ARHGEF19: variants seen among roughly 807,000 people sequenced by gnomAD.
The protein encoded by ARHGEF19 is Rho guanine nucleotide exchange factor (GEF) 19.
In ARHGEF19, 92 loss-of-function variants were observed where a neutral mutation model predicts 87.6. That is an observed-to-expected ratio of 1.05 (90% CI 0.89 to 1.25). The LOEUF is 1.25. ARHGEF19 is among the 50% of genes most tolerant of loss of function. The pLI, the probability that ARHGEF19 is intolerant of heterozygous loss-of-function variation, is 0.00. For synonymous variants in ARHGEF19, 438 were observed against 446.2 expected, an observed-to-expected ratio of 0.98 and a Z score of 0.23; for missense variants, 1,054 against 1,051.8, an observed-to-expected ratio of 1.00 and a Z score of -0.03.
In ARHGEF19 at chr1:16,206,439, C is replaced by A; in HGVS notation, c.1138-99G>T. On this transcript the variant is annotated intron_variant, in intron 6 of 15. Coordinates refer to ENST00000270747, the MANE Select transcript of ARHGEF19 (RefSeq NM_153213.5). The surrounding 1 kb of genome is among the most constrained non-coding windows in gnomAD (Gnocchi z 4.6). ...ACCCCAGGACGCCACACCTCGCGTCCTCGCCCCTTCTCTAGCCCCACTCCT... is the reference window on the plus strand; with the variant it reads ...ACCCCAGGACGCCACACCTCGCGTCATCGCCCCTTCTCTAGCCCCACTCCT... 7.5e-7 allele frequency: 1 copy of A among 1,335,552 alleles called. No homozygotes were observed. The highest frequency in any genetic ancestry group is 1.0e-6 in the Non-Finnish European group (1 of 953,398). The allele number at this position is 1,335,552 out of a possible 1,614,324, so 82.7% of individuals were successfully genotyped here.
chr1:16,206,849 T>G lies in ARHGEF19; in HGVS notation c.1137+99A>C. On this transcript the variant is annotated intron_variant, in intron 6 of 15. Coordinates refer to ENST00000270747, the MANE Select transcript of ARHGEF19 (RefSeq NM_153213.5). The surrounding 1 kb of genome is among the most constrained non-coding windows in gnomAD (Gnocchi z 4.6). ...GGACAGTCGCGCCAGCAACCCCCTTTGTGTGTCCCCCTCCCTCTATGGCCC... is the reference window on the plus strand; with the variant it reads ...GGACAGTCGCGCCAGCAACCCCCTTGGTGTGTCCCCCTCCCTCTATGGCCC... The G allele has an allele frequency of 7.5e-7, 1 of 1,331,908 alleles. No individual in the cohort carries two copies. Among genetic ancestry groups the G allele is most frequent in the Non-Finnish European group, 9.7e-7 (1 of 1,033,480 alleles). The allele number at this position is 1,331,908 out of a possible 1,614,324, so 82.5% of individuals were successfully genotyped here.
chr1:16,210,128 G>C (rs2081185720), intron 1 of ARHGEF19, among the ~76,000 whole-genome samples: 1 of 152,252 alleles, frequency 6.6e-6, no homozygotes, highest in Non-Finnish European at 1.5e-5. Context: ...CCTCCCTCCT[G>C]CAGCCCCTCA....
Position 16,198,114 on chromosome 1 carries a change from T to C in ARHGEF19, c.*473A>G, listed in dbSNP as rs1246083762. The C allele has an allele frequency of 6.6e-6, 1 of 152,384 alleles. No homozygotes were observed. Among genetic ancestry groups the C allele is most frequent in the African/African-American group, 2.4e-5 (1 of 41,328 alleles). 9.4% of individuals were successfully genotyped at this position (152,384 alleles called of 1,614,324 possible). On this transcript the variant is annotated 3_prime_UTR_variant, in exon 16 of 16. Transcript: ENST00000270747. This position sits in a 1 kb window ranked among gnomAD's most constrained non-coding sequence, Gnocchi z 4.1. ...TCACAGACTCCAAGCAAAGGCATGATAGGAGTTTATTTACAGACAAGACAC... is the reference window on the plus strand; with the variant it reads ...TCACAGACTCCAAGCAAAGGCATGACAGGAGTTTATTTACAGACAAGACAC...
Position 16,199,273 on chromosome 1 carries a change from C to T in ARHGEF19, c.2147-19G>A, listed in dbSNP as rs1368445940. 3 of 1,612,546 alleles carry T rather than the reference C, an allele frequency of 1.9e-6. No individual in the cohort carries two copies. The highest frequency in any genetic ancestry group is 3.3e-5 in the Admixed American group (2 of 59,966). ...GGGCAATCTGACAGCCCAAGGGAGG[C>T]TCAGGGAGTCCCAAGGGCAGGATGG... On this transcript the variant is annotated intron_variant, in intron 14 of 15. Transcript: ENST00000270747.
chr1:16,205,657 G>C lies in ARHGEF19; in HGVS notation c.1462C>G (p.Pro488Ala). The change falls in exon 9 of 16, where the codon CCC becomes GCC. Residue 488 changes from proline (P) to alanine (A), a missense_variant. Physicochemically the swap from Pro to Ala is conservative, Grantham distance 27. Coordinates refer to ENST00000270747, the MANE Select transcript of ARHGEF19 (RefSeq NM_153213.5). The surrounding 1 kb of genome is among the most constrained non-coding windows in gnomAD (Gnocchi z 5.8). ...RTYQRLLLEN[P>A]RFPGILARLE... ...CGAGCCAGGATGCCAGGGAACCTGGGGTTCTCCAGGCTGGAAAATGGGGAG... is the reference window on the plus strand; with the variant it reads ...CGAGCCAGGATGCCAGGGAACCTGGCGTTCTCCAGGCTGGAAAATGGGGAG... The C allele has an allele frequency of 6.2e-7, 1 of 1,608,738 alleles. No individual in the cohort carries two copies. The highest frequency in any genetic ancestry group is 1.1e-5 in the South Asian group (1 of 90,518).
Position 16,206,186 on chromosome 1 carries a change from C to G in ARHGEF19, c.1292G>C (p.Ser431Thr). The G allele has an allele frequency of 6.3e-7, 1 of 1,595,446 alleles. No individual in the cohort carries two copies. Among genetic ancestry groups the G allele is most frequent in the Non-Finnish European group, 8.6e-7 (1 of 1,169,360 alleles). ...GGCCAGACCACTTCTTCACCTCTCG[C>G]TGGTGCTCTTGACCTCGGGCAGTTT... The part of the protein sequence containing the change: ...FSKLPEVKST[S>T]ERFLQDLEQR... The change falls in exon 7 of 16, where the codon AGC becomes ACC. Residue 431 changes from serine (S) to threonine (T), a missense_variant. Coordinates refer to ENST00000270747, the MANE Select transcript of ARHGEF19 (RefSeq NM_153213.5). The surrounding 1 kb of genome is among the most constrained non-coding windows in gnomAD (Gnocchi z 4.6).
At position 16,207,857 on chromosome 1, in the gene ARHGEF19, C is replaced by T; in HGVS notation, c.695-80G>A. On this transcript the variant is annotated intron_variant, in intron 3 of 15. Coordinates refer to ENST00000270747, the MANE Select transcript of ARHGEF19 (RefSeq NM_153213.5). The surrounding 1 kb of genome is among the most constrained non-coding windows in gnomAD (Gnocchi z 4.0). ...GGCCCCGGCCCAGGCACCCTGACGGCCTCAGGCGGCCGGTGAGTGGGCATC... is the reference window on the plus strand; with the variant it reads ...GGCCCCGGCCCAGGCACCCTGACGGTCTCAGGCGGCCGGTGAGTGGGCATC... The T allele has an allele frequency of 6.3e-7, 1 of 1,585,804 alleles. No individual in the cohort carries two copies. Among genetic ancestry groups the T allele is most frequent in the South Asian group, 1.1e-5 (1 of 89,122 alleles).
At chr1:16,212,170 G>T (rs1159609793) in intron 1 of ARHGEF19, among the ~76,000 whole-genome samples, 1 of 152,226 alleles carries the variant, frequency 6.6e-6, no homozygotes, top group Non-Finnish European at 1.5e-5. Flanking sequence ...ACTTAGCAAG[G>T]CTGCCAGAGA....
chr1:16,198,701 C>G lies in ARHGEF19; in HGVS notation c.2295G>C (p.Trp765Cys). Residue 765 changes from tryptophan to cysteine, a missense_variant, in exon 16 of 16, where the codon TGG (tryptophan) becomes TGC (cysteine). Trp to Cys is a radical substitution (Grantham distance 215). Coordinates refer to ENST00000270747, the MANE Select transcript of ARHGEF19 (RefSeq NM_153213.5). The surrounding 1 kb of genome is among the most constrained non-coding windows in gnomAD (Gnocchi z 4.1). ...TCTCTTCCACATAGGCCTGGGGCAC[C>G]CACCCCTTCTCACCATCTGCCAGGC... ...GVRLADGEKG[W>C]VPQAYVEEIS... 3 of 1,612,488 alleles carry G rather than the reference C, an allele frequency of 1.9e-6. No individual in the cohort carries two copies. The highest frequency in any genetic ancestry group is 2.5e-6 in the Non-Finnish European group (3 of 1,178,920).
chr1:16,200,951 T>C (rs932778610), intron 14 of ARHGEF19, among the ~76,000 whole-genome samples: 1 of 151,184 alleles, frequency 6.6e-6, no homozygotes, highest in African/African-American at 2.4e-5. Context: ...CAATGGCTCA[T>C]GCCTATAATC....
intron 14 of ARHGEF19, among the ~76,000 whole-genome samples, chr1:16,200,003 G>C (rs369625335): frequency 2.0e-5 from 3 of 152,058 alleles, no homozygotes; most frequent in East Asian, 1.9e-4. Flanking sequence ...AGATCTTTTC[G>C]TGACAACCTC....
At position 16,206,338 on chromosome 1, in the gene ARHGEF19, G is replaced by A. The variant is rs761670496; in HGVS notation, c.1140C>T (p.Ala380=). 3 of 1,576,494 alleles carry A rather than the reference G, an allele frequency of 1.9e-6. No individual in the cohort carries two copies. Among genetic ancestry groups the A allele is most frequent in the Admixed American group, 1.9e-5 (1 of 52,612 alleles). ...LSLRDCKLQE[A]KFELITSEAS... ...CCTCGGAGGTGATCAGCTCAAACTT[G>A]GCCTGAGGGAGGGCACACACGGGGT... Residue 380 remains alanine, a splice_region_variant and synonymous_variant, in exon 7 of 16, where the codon GCC becomes GCT. Coordinates refer to ENST00000270747, the MANE Select transcript of ARHGEF19 (RefSeq NM_153213.5). The surrounding 1 kb of genome is among the most constrained non-coding windows in gnomAD (Gnocchi z 4.6).
chr1:16,199,060 CA>C (rs1281708873), intron 15 of ARHGEF19, 89 bp downstream of exon 15: 2 of 1,311,786 alleles, frequency 1.5e-6, no homozygotes, highest in Admixed American at 3.7e-5. Flanking sequence ...TCAACACTTG[CA>C]GAACCTTTCC....
At chr1:16,210,494 A>T (rs1000517280) in intron 1 of ARHGEF19, among the ~76,000 whole-genome samples, 1 of 152,216 alleles carries the variant, frequency 6.6e-6, no homozygotes, top group Non-Finnish European at 1.5e-5. Flanking sequence ...AGACCCCAAG[A>T]CGTTCAAAAA....
At chr1:16,209,382 ATGG>A (rs1164837180) in intron 1 of ARHGEF19, among the ~76,000 whole-genome samples, 1 of 152,192 alleles carries the variant, frequency 6.6e-6, no homozygotes, top group Non-Finnish European at 1.5e-5. Context: ...TATTTGGTAA[ATGG>A]TGGAGCCAGG....
intron 14 of ARHGEF19, among the ~76,000 whole-genome samples, chr1:16,201,431 G>A (rs773057528): frequency 3.3e-5 from 5 of 152,138 alleles, no homozygotes; most frequent in Non-Finnish European, 5.9e-5. Context: ...TGCAACTGAC[G>A]CAAAGATGGA....
Position 16,205,301 on chromosome 1 carries a change from G to A in ARHGEF19, c.1656+50C>T, listed in dbSNP as rs746471628. The A allele has an allele frequency of 4.3e-6, 7 of 1,611,794 alleles. No homozygotes were observed. Among genetic ancestry groups the A allele is most frequent in the African/African-American group, 4.0e-5 (3 of 74,878 alleles). On this transcript the variant is annotated intron_variant, in intron 10 of 15. Coordinates refer to ENST00000270747, the MANE Select transcript of ARHGEF19 (RefSeq NM_153213.5). The surrounding 1 kb of genome is among the most constrained non-coding windows in gnomAD (Gnocchi z 5.8). ...GGGCTGTTTTAGAGACGTGCTGGGG[G>A]TCCAGGGGGGGCCTCAGGAGCCAAG...
At chr1:16,199,642 C>T (rs1315790192) in intron 14 of ARHGEF19, among the ~76,000 whole-genome samples, 2 of 152,126 alleles carry the variant, frequency 1.3e-5, no homozygotes, top group Non-Finnish European at 2.9e-5. Context: ...CCTAACATCA[C>T]TCTGGTGCTC....
Position 16,198,847 on chromosome 1 carries a change from G to A in ARHGEF19, c.2252-103C>T. On this transcript the variant is annotated intron_variant, in intron 15 of 15. Coordinates refer to ENST00000270747, the MANE Select transcript of ARHGEF19 (RefSeq NM_153213.5). The surrounding 1 kb of genome is among the most constrained non-coding windows in gnomAD (Gnocchi z 4.1). ...ATGCAAGCTTTGTCTGCACCCTTGG[G>A]GCCAAGGTGACATCATCTCAGCATC... 4.9e-6 allele frequency: 7 copies of A among 1,416,380 alleles called. No homozygotes were observed. The South Asian group carries it at 8.4e-5, about 17-fold the overall frequency. The allele number at this position is 1,416,380 out of a possible 1,614,324, so 87.7% of individuals were successfully genotyped here. A position where few individuals can be genotyped will look rare whatever the true frequency, so the allele number is the denominator to read the frequency against.
Sources: gnomAD v4.1 joint callset for allele counts (sites outside exome capture counted in the v4.1 genomes callset) on GRCh38, gnomAD v4.1.1 for gene constraint, Gnocchi (gnomAD v3.1) non-coding constraint, MANE v1.5 for transcripts, NCBI Gene and HGNC (gene_info 2026-07-23, HGNC 2026-07-21) for gene names.